The following FILIP1L variants were observed in gnomAD, a reference collection of about 807,000 sequenced individuals.
FILIP1L encodes filamin A interacting protein 1 like, also known as filamin A-interacting protein 1-like.
Under a neutral mutation model 96.6 loss-of-function variants are expected in FILIP1L, and 55 were observed. The ratio of observed to expected loss-of-function variants is 0.57; its 90% CI spans 0.46 to 0.71. The LOEUF (loss-of-function observed/expected upper bound fraction) is 0.71. Among genes scored for constraint, FILIP1L ranks in the 30% least tolerant of loss-of-function variants. The pLI, the probability that FILIP1L is intolerant of heterozygous loss-of-function variation, is 0.00. For synonymous variants in FILIP1L, 467 were observed against 473.9 expected (o/e 0.99, Z 0.19); for missense variants, 1,304 against 1,321.2 (o/e 0.99, Z 0.20).
At chr3:100,064,413 A>G (rs534008664) in intron 1 of FILIP1L, among the ~76,000 whole-genome samples, 46 of 151,108 alleles carry the variant, frequency 3.0e-4, no homozygotes, top group Non-Finnish European at 5.2e-4. Context: ...TTTTTTTTCA[A>G]CATTAAAGCC....
chr3:99,941,061 C>A (rs560006251), intron 1 of FILIP1L, among the ~76,000 whole-genome samples: 1 of 152,232 alleles, frequency 6.6e-6, no homozygotes, highest in Non-Finnish European at 1.5e-5. Flanking sequence ...TAACTTCTTG[C>A]CTCTGAAGCA....
intron 1 of FILIP1L, among the ~76,000 whole-genome samples, chr3:100,064,449 G>A (rs983599981): frequency 9.3e-5 from 14 of 150,998 alleles, no homozygotes; most frequent in East Asian, 7.7e-4. Context: ...AACAGTGTTC[G>A]TGTTTGCCAG....
At chr3:99,954,406 AAC>A (rs1708262101) in intron 1 of FILIP1L, among the ~76,000 whole-genome samples, 1 of 152,228 alleles carries the variant, frequency 6.6e-6, no homozygotes, top group South Asian at 2.1e-4. Context: ...CTCCCAGTTT[AAC>A]ACAAACAAGG....
chr3:100,073,868 C>T (rs563787305), intron 1 of FILIP1L, among the ~76,000 whole-genome samples: 1 of 152,200 alleles, frequency 6.6e-6, no homozygotes, highest in Non-Finnish European at 1.5e-5. Flanking sequence ...TTTTAAAACA[C>T]CAGAATTCAA....
chr3:99,850,349 A>G lies in FILIP1L; in HGVS notation c.1327T>C (p.Ser443Pro). 1 of 1,613,018 alleles carries G rather than the reference A, an allele frequency of 6.2e-7. No individual in the cohort carries two copies. The highest frequency in any genetic ancestry group is 1.7e-5 in the Admixed American group (1 of 59,768). ...AFNKSKQECY[S>P]LKCNLEKERM... ...TCTTTTTCTAAATTGCATTTCAGAG[A>G]GTAGCATTCTTGTTTGCTTTTGTTG... Residue 443 changes from serine to proline, a missense_variant, in exon 5 of 6, where the codon TCT becomes CCT. Physicochemically the swap from Ser to Pro is moderately conservative, Grantham distance 74. Coordinates refer to ENST00000477258, the MANE Select transcript of FILIP1L (RefSeq NM_001387850.1).
At chr3:100,057,377 A>G (rs1159849933) in intron 1 of FILIP1L, among the ~76,000 whole-genome samples, 1 of 152,206 alleles carries the variant, frequency 6.6e-6, no homozygotes, top group African/African-American at 2.4e-5. Context: ...AATACTCATT[A>G]TATCATCAAG....
chr3:99,907,536 C>T (rs959977254), intron 4 of FILIP1L, among the ~76,000 whole-genome samples: 5 of 152,192 alleles, frequency 3.3e-5, no homozygotes, highest in Admixed American at 6.5e-5. Flanking sequence ...CGTGAGCCAA[C>T]GCACCTGGCG....
At chr3:100,099,688 A>T (rs2066271977) in intron 1 of FILIP1L, among the ~76,000 whole-genome samples, 1 of 152,176 alleles carries the variant, frequency 6.6e-6, no homozygotes. Flanking sequence ...CATTCCATAA[A>T]TATTTATTAA....
chr3:99,883,030 AATTCT>A (rs63163260), intron 4 of FILIP1L, among the ~76,000 whole-genome samples: 40,063 of 151,846 alleles, frequency 0.26, 5,924 homozygotes, highest in Admixed American at 0.34. Context: ...GTACATGAGA[AATTCT>A]ATTATAATTT....
intron 4 of FILIP1L, among the ~76,000 whole-genome samples, chr3:99,887,887 G>T (rs1196535708): frequency 1.3e-5 from 2 of 151,948 alleles, no homozygotes; most frequent in African/African-American, 2.4e-5. Context: ...GACTACAGGT[G>T]TGCACCACCA....
chr3:100,101,527 T>G (rs2066305351), intron 1 of FILIP1L, among the ~76,000 whole-genome samples: 1 of 152,160 alleles, frequency 6.6e-6, no homozygotes, highest in Admixed American at 6.5e-5. Flanking sequence ...TTGGAATTCT[T>G]GATTGTGGTG....
At chr3:99,871,183 T>G (rs989208530) in intron 4 of FILIP1L, among the ~76,000 whole-genome samples, 13 of 152,234 alleles carry the variant, frequency 8.5e-5, no homozygotes, top group Admixed American at 7.9e-4. Context: ...TGACTTAACC[T>G]GAGCCTAACT....
chr3:100,016,959 A>G (rs531501015), intron 1 of FILIP1L, among the ~76,000 whole-genome samples: 1 of 152,332 alleles, frequency 6.6e-6, no homozygotes, highest in South Asian at 2.1e-4. Flanking sequence ...GAATCATTTT[A>G]TATTTACATA....
At chr3:99,928,534 T>G (rs1162355899) in intron 3 of FILIP1L, among the ~76,000 whole-genome samples, 4 of 152,204 alleles carry the variant, frequency 2.6e-5, no homozygotes, top group African/African-American at 4.8e-5. Context: ...GAGTTAAGAC[T>G]GCAAGCATTT....
At chr3:99,961,226 C>T (rs942065527) in intron 1 of FILIP1L, among the ~76,000 whole-genome samples, 2 of 152,176 alleles carry the variant, frequency 1.3e-5, no homozygotes, top group African/African-American at 2.4e-5. Flanking sequence ...CGAGGGGATC[C>T]GGACTTGCCT....
chr3:99,892,681 C>T (rs914849680), intron 4 of FILIP1L, among the ~76,000 whole-genome samples: 2 of 152,128 alleles, frequency 1.3e-5, no homozygotes, highest in Non-Finnish European at 2.9e-5. Context: ...TCTTTAGGAG[C>T]CAGTAAGCCT....
chr3:99,852,045 A>G (rs918377681), intron 4 of FILIP1L, among the ~76,000 whole-genome samples: 3 of 152,122 alleles, frequency 2.0e-5, no homozygotes, highest in Non-Finnish European at 2.9e-5. Flanking sequence ...ATGACATGCT[A>G]TTTTCTTCTT....
At chr3:99,876,186 G>C (rs1232418165) in intron 4 of FILIP1L, 11 of 985,440 alleles carry the variant, frequency 1.1e-5, no homozygotes, top group Non-Finnish European at 1.3e-5. Flanking sequence ...GCGGGGCGCT[G>C]AGCGCGCCCG....
chr3:99,997,489 C>A (rs1452077468), intron 1 of FILIP1L, among the ~76,000 whole-genome samples: 1 of 152,120 alleles, frequency 6.6e-6, no homozygotes, highest in Non-Finnish European at 1.5e-5. Context: ...CTTTCTGATA[C>A]CCCAGTGGTT....
Sources: allele counts gnomAD v4.1 joint callset (sites outside exome capture counted in the v4.1 genomes callset), GRCh38; gene constraint gnomAD v4.1.1; transcripts MANE v1.5; gene names NCBI Gene and HGNC (gene_info 2026-07-23, HGNC 2026-07-21).